The following SLC20A1 variants were observed in gnomAD, a reference collection of about 807,000 sequenced individuals.
The protein encoded by SLC20A1 is sodium-dependent phosphate transporter 1.
In SLC20A1, 28 loss-of-function variants were observed where a neutral mutation model predicts 62.7. That is an observed-to-expected ratio of 0.45 (90% CI 0.33 to 0.61). The LOEUF (loss-of-function observed/expected upper bound fraction) is 0.61. Ranked by LOEUF, SLC20A1 falls within the 20% of genes least tolerant of loss-of-function variation. The pLI is 0.02. For synonymous variants in SLC20A1, 305 were observed against 302.9 expected, an observed-to-expected ratio of 1.01 and a Z score of -0.07; for missense variants, 673 against 838.6, an observed-to-expected ratio of 0.80 and a Z score of 2.44.
chr2:112,658,757 A>G (rs940349533), intron 6 of SLC20A1, 68 bp from the exon 7 acceptor site: 2 of 1,493,848 alleles, frequency 1.3e-6, no homozygotes, highest in Admixed American at 4.5e-5. Context: ...GGGGTGGAGG[A>G]AAGGAGACGT....
intron 10 of SLC20A1, among the ~76,000 whole-genome samples, 167 bp downstream of exon 10, chr2:112,661,393 T>C (rs1686744492): frequency 6.6e-6 from 1 of 152,256 alleles, no homozygotes; most frequent in African/African-American, 2.4e-5. Context: ...TAAATAGATA[T>C]TCTCCCCAAA....
intron 5 of SLC20A1, among the ~76,000 whole-genome samples, chr2:112,654,850 C>T (rs922304036): frequency 7.1e-6 from 1 of 140,246 alleles, no homozygotes; most frequent in East Asian, 2.2e-4. Flanking sequence ...GAGCCAAGAT[C>T]GTGCCACTGT....
At position 112,663,282 on chromosome 2, in the gene SLC20A1, C is replaced by T. The variant is rs147106078; in HGVS notation, c.*257C>T. The T allele has an allele frequency of 6.2e-5, 32 of 513,800 alleles. 1 individual carries two copies. The highest frequency in any genetic ancestry group is 3.2e-4 in the Middle Eastern group (1 of 3,138). 31.8% of individuals were successfully genotyped at this position (513,800 alleles called of 1,614,324 possible). ...TCCTTCTGGGCTGTGAATTCCTGTA[C>T]ATATTTCTCTACTTTTTGTATCAGG... On this transcript the variant is annotated 3_prime_UTR_variant, in exon 11 of 11. Transcript: ENST00000272542.
Position 112,659,661 on chromosome 2 carries a change from A to G in SLC20A1, c.1506A>G (p.Glu502=), listed in dbSNP as rs567059920. The G allele has an allele frequency of 6.2e-6, 10 of 1,614,228 alleles. No homozygotes were observed. Among genetic ancestry groups the G allele is most frequent in the South Asian group, 4.4e-5 (4 of 91,086 alleles). The change falls in exon 8 of 11, where the codon GAA becomes GAG. Residue 502 remains glutamate (E), a synonymous_variant. Coordinates refer to ENST00000272542, the MANE Select transcript of SLC20A1 (RefSeq NM_005415.5). ...DRKGSNGSLE[E]WYDQDKPEVS... is the part of the protein sequence containing the mutation. ...AAGGAAGTAATGGCTCTCTAGAAGA[A>G]TGGTATGACCAGGATAAGCCTGAAG...
chr2:112,652,424 A>G, intron 4 of SLC20A1: 1 of 472,258 alleles, frequency 2.1e-6, no homozygotes, highest in South Asian at 2.6e-5. Context: ...GTACCTTAGA[A>G]TGTGGGTATT....
intron 5 of SLC20A1, chr2:112,653,149 A>G (rs926692018): frequency 2.2e-5 from 8 of 361,438 alleles, no homozygotes; most frequent in African/African-American, 1.7e-4. Flanking sequence ...GATCTTCAGT[A>G]ATCAGTCATT....
chr2:112,658,037 C>T (rs532013094), intron 6 of SLC20A1, among the ~76,000 whole-genome samples: 15 of 152,228 alleles, frequency 9.9e-5, no homozygotes, highest in Non-Finnish European at 1.9e-4. Context: ...AAGAACGCTG[C>T]GTCACCGCAG....
chr2:112,651,547 A>T lies in SLC20A1; in HGVS notation c.562-1155A>T, dbSNP rs774233712. 2.0e-5 allele frequency among the ~76,000 whole-genome samples: 3 copies of T among 152,054 alleles called. No individual in the cohort carries two copies. The South Asian group carries it at 6.2e-4, about 32-fold the overall frequency. On this transcript the variant is annotated intron_variant, in intron 4 of 10. Transcript: ENST00000272542. Reference sequence around the variant, plus strand: ...GCCTCCAGAGTAGCTGGGACTACAGATGCTTGCCACCACATCCGGGCTAAT... The same window carrying T: ...GCCTCCAGAGTAGCTGGGACTACAGTTGCTTGCCACCACATCCGGGCTAAT...
Position 112,658,972 on chromosome 2 carries a change from A to T in SLC20A1, c.926A>T (p.Gln309Leu), listed in dbSNP as rs149823520. 1.9e-6 allele frequency: 3 copies of T among 1,614,102 alleles called. No individual in the cohort carries two copies. The highest frequency in any genetic ancestry group is 2.7e-5 in the African/African-American group (2 of 74,946). Reference protein sequence around the residue: ...SEVGPATVPLQAVVEERTVSF... With the variant: ...SEVGPATVPLLAVVEERTVSF... Reference sequence around the variant, plus strand: ...GTAGGGCCTGCCACTGTGCCCCTCCAGGCTGTGGTGGAGGAGAGAACAGTC... The same window carrying T: ...GTAGGGCCTGCCACTGTGCCCCTCCTGGCTGTGGTGGAGGAGAGAACAGTC... Residue 309 changes from glutamine to leucine, a missense_variant, in exon 7 of 11, where the codon CAG becomes CTG. Transcript: ENST00000272542.
In SLC20A1 at chr2:112,646,754, G is replaced by T; in HGVS notation, c.-75G>T. On this transcript the variant is annotated 5_prime_UTR_variant, in exon 2 of 11. Coordinates refer to ENST00000272542, the MANE Select transcript of SLC20A1 (RefSeq NM_005415.5). ...ATATATTATTTATTATAGCATTTTT[G>T]ATACCTCATATTCTGTTTACACATC... 1.2e-6 allele frequency: 1 copy of T among 836,188 alleles called. No homozygotes were observed. The highest frequency in any genetic ancestry group is 1.9e-6 in the Non-Finnish European group (1 of 537,924). The allele number at this position is 836,188 out of a possible 1,614,324, so 51.8% of individuals were successfully genotyped here.
At chr2:112,660,627 T>C (rs574439329) in intron 9 of SLC20A1, 55 bp downstream of exon 9, 68 of 1,477,700 alleles carry the variant, frequency 4.6e-5, no homozygotes, top group Middle Eastern at 3.7e-4. Flanking sequence ...TTCAGAGATA[T>C]AACACTGTCG....
At chr2:112,647,952 A>G (rs1477482993) in intron 4 of SLC20A1, among the ~76,000 whole-genome samples, 1 of 152,232 alleles carries the variant, frequency 6.6e-6, no homozygotes, top group South Asian at 2.1e-4. Flanking sequence ...AAAATTGAAT[A>G]CTATGATGTG....
At chr2:112,650,477 C>T (rs1169747886) in intron 4 of SLC20A1, among the ~76,000 whole-genome samples, 5 of 150,814 alleles carry the variant, frequency 3.3e-5, no homozygotes, top group Non-Finnish European at 5.9e-5. Flanking sequence ...GGATTACAGG[C>T]GCCACCACAC....
At chr2:112,653,855 T>C (rs1686509947) in intron 5 of SLC20A1, among the ~76,000 whole-genome samples, 1 of 152,146 alleles carries the variant, frequency 6.6e-6, no homozygotes, top group Non-Finnish European at 1.5e-5. Context: ...TGCAATGGCA[T>C]GATCTTGGCT....
chr2:112,657,332 T>C (rs1686619214), intron 6 of SLC20A1, 91 bp downstream of exon 6: 5 of 1,323,132 alleles, frequency 3.8e-6, no homozygotes, highest in Middle Eastern at 4.8e-4. Context: ...TAGAAGAGAT[T>C]GGCAAAATAA....
At chr2:112,655,662 G>A (rs1574185891) in intron 5 of SLC20A1, among the ~76,000 whole-genome samples, 1 of 151,802 alleles carries the variant, frequency 6.6e-6, no homozygotes, top group East Asian at 1.9e-4. Context: ...TATAACATCT[G>A]TTAGATTTAA....
chr2:112,647,722 C>T lies in SLC20A1; in HGVS notation c.545C>T (p.Ala182Val), dbSNP rs1574178485. 14 of 1,613,680 alleles carry T rather than the reference C, an allele frequency of 8.7e-6. No individual in the cohort carries two copies. Among genetic ancestry groups the T allele is most frequent in the East Asian group, 2.2e-5 (1 of 44,884 alleles). The change falls in exon 4 of 11, where the codon GCA (alanine) becomes GTA (valine). Residue 182 changes from alanine (A) to valine (V), a missense_variant. By Grantham distance (64) the Ala-to-Val change is moderately conservative. Transcript: ENST00000272542. ...MSGILFFLVR[A>V]FILHKADPVP... The stretch of plus-strand genomic sequence containing the variant: ...GGAATTTTATTCTTCCTGGTTCGTG[C>T]ATTCATCCTCCATAAGGTAACCTTT...
rs1460158289 is a variant in SLC20A1 at position 112,662,932 on chromosome 2, C to T, written c.1947C>T (p.Asn649=). ...CTGTTGACTGGCGTCTCTTTCGTAACATTTTTATGGCCTGGTTTGTCACAG... is the reference window on the plus strand; with the variant it reads ...CTGTTGACTGGCGTCTCTTTCGTAATATTTTTATGGCCTGGTTTGTCACAG... ...KKAVDWRLFR[N]IFMAWFVTVP... Residue 649 remains asparagine (N), a synonymous_variant, in exon 11 of 11, where the codon AAC becomes AAT. Coordinates refer to ENST00000272542, the MANE Select transcript of SLC20A1 (RefSeq NM_005415.5). 1 of 1,614,152 alleles carries T rather than the reference C, an allele frequency of 6.2e-7. No homozygotes were observed. Among genetic ancestry groups the T allele is most frequent in the Non-Finnish European group, 8.5e-7 (1 of 1,180,022 alleles).
chr2:112,657,151 G>T lies in SLC20A1; in HGVS notation c.688G>T (p.Gly230Cys). 1.2e-6 allele frequency: 2 copies of T among 1,613,776 alleles called. No homozygotes were observed. The highest frequency in any genetic ancestry group is 1.7e-6 in the Non-Finnish European group (2 of 1,179,946). The change falls in exon 6 of 11, where the codon GGT becomes TGT. Residue 230 changes from glycine (G) to cysteine (C), a missense_variant. Physicochemically the swap from Gly to Cys is radical, Grantham distance 159. Coordinates refer to ENST00000272542, the MANE Select transcript of SLC20A1 (RefSeq NM_005415.5). ...LLGFDKLPLWGTILISVGCAV... is the reference protein window; with the variant it reads ...LLGFDKLPLWCTILISVGCAV... Reference sequence around the variant, plus strand: ...GGGCTTTGACAAACTTCCTCTGTGGGGTACCATCCTCATCTCGGTGGGATG... The same window carrying T: ...GGGCTTTGACAAACTTCCTCTGTGGTGTACCATCCTCATCTCGGTGGGATG...
Sources: gnomAD v4.1 joint callset for allele counts (sites outside exome capture counted in the v4.1 genomes callset) on GRCh38, gnomAD v4.1.1 for gene constraint, MANE v1.5 for transcripts, NCBI Gene and HGNC (gene_info 2026-07-23, HGNC 2026-07-21) for gene names.